DNAI4: variants seen among roughly 807,000 people sequenced by gnomAD.
The protein encoded by DNAI4 is dynein axonemal intermediate chain 4.
DNAI4 carries 85 observed loss-of-function variants against 105.8 expected under a neutral mutation model. That is an observed-to-expected ratio of 0.80 (90% CI 0.67 to 0.96). The LOEUF is 0.96. Ranked by LOEUF, DNAI4 falls within the 40% of genes least tolerant of loss-of-function variation. The probability of loss-of-function intolerance (pLI) is 0.00; values close to 1 mark genes in which losing one functional copy is unlikely to be tolerated. For synonymous variants in DNAI4, 352 were observed against 331.5 expected, an observed-to-expected ratio of 1.06 and a Z score of -0.67; for missense variants, 1,014 against 1,005.6, an observed-to-expected ratio of 1.01 and a Z score of -0.11.
At chr1:66,894,798 A>G (rs1459761256) in intron 2 of DNAI4, among the ~76,000 whole-genome samples, 1 of 152,188 alleles carries the variant, frequency 6.6e-6, no homozygotes, top group Non-Finnish European at 1.5e-5. Context: ...CTAATTTGCT[A>G]ATATTATATG....
intron 16 of DNAI4, among the ~76,000 whole-genome samples, chr1:66,816,299 C>T (rs1045070152): frequency 2.0e-5 from 3 of 151,964 alleles, no homozygotes; most frequent in African/African-American, 4.8e-5. Flanking sequence ...CCTCACGTCC[C>T]GGGGGCAGCC....
At chr1:66,893,803 G>A (rs180932811) in intron 2 of DNAI4, among the ~76,000 whole-genome samples, 3 of 152,090 alleles carry the variant, frequency 2.0e-5, no homozygotes, top group Non-Finnish European at 4.4e-5. Flanking sequence ...TATGCTTTTG[G>A]TTTACAGTTC....
Position 66,893,065 on chromosome 1 carries a change from GAA to G in DNAI4, c.530+162_530+163del, listed in dbSNP as rs1553227648. ...AAAGAAAGAAAGAAAGAGAGAGAGA[GAA>G]AGAAAGAAAGAAAGAAAGAAAGAAA... is the stretch of plus-strand genomic sequence containing the variant. On this transcript the variant is annotated intron_variant, in intron 3 of 16. Coordinates refer to ENST00000371026, the MANE Select transcript of DNAI4 (RefSeq NM_024763.5). 3.9e-3 allele frequency among the ~76,000 whole-genome samples: 333 copies of G among 85,530 alleles called. 4 individuals are homozygous for G. The highest frequency in any genetic ancestry group is 0.018 in the Middle Eastern group (3 of 164). The allele number at this position is 85,530 out of a possible 152,430, so 56.1% of individuals were successfully genotyped here.
chr1:66,915,353 C>A (rs571251835), intron 1 of DNAI4, among the ~76,000 whole-genome samples: 69 of 152,278 alleles, frequency 4.5e-4, no homozygotes, highest in African/African-American at 1.5e-3. Flanking sequence ...CAGGAATGAA[C>A]AAGGACAGCT....
intron 4 of DNAI4, among the ~76,000 whole-genome samples, chr1:66,888,239 G>A (rs570148290): frequency 6.0e-4 from 91 of 152,126 alleles, no homozygotes; most frequent in African/African-American, 2.1e-3. Flanking sequence ...CAATTGACCT[G>A]AATTGAGACA....
At chr1:66,882,926 T>A (rs528474328) in intron 4 of DNAI4, among the ~76,000 whole-genome samples, 2 of 152,236 alleles carry the variant, frequency 1.3e-5, no homozygotes, top group East Asian at 3.9e-4. Context: ...TGCATGCATA[T>A]GAAATTCATT....
chr1:66,840,688 T>C lies in DNAI4; in HGVS notation c.1292-17A>G. The C allele has an allele frequency of 6.2e-7, 1 of 1,613,536 alleles. No homozygotes were observed. Among genetic ancestry groups the C allele is most frequent in the Non-Finnish European group, 8.5e-7 (1 of 1,179,834 alleles). On this transcript the variant is annotated splice_polypyrimidine_tract_variant and intron_variant, in intron 8 of 16. Transcript: ENST00000371026. ...GTTCAGGTTCTAAAGTTTAAACAAA[T>C]AAAAAGATCATTGTCCTCTACATCT...
intron 4 of DNAI4, among the ~76,000 whole-genome samples, chr1:66,880,595 T>A (rs1647049287): frequency 6.6e-6 from 1 of 152,138 alleles, no homozygotes; most frequent in Non-Finnish European, 1.5e-5. Context: ...GCAGAAGAAA[T>A]TTCTAAGCAA....
intron 4 of DNAI4, among the ~76,000 whole-genome samples, chr1:66,876,052 T>C (rs537025968): frequency 6.6e-6 from 1 of 152,182 alleles, no homozygotes; most frequent in Admixed American, 6.5e-5. Context: ...TCTTTAGTTT[T>C]GGGTGATTCT....
chr1:66,833,422 C>G (rs1233844227), intron 13 of DNAI4, among the ~76,000 whole-genome samples, 163 bp downstream of exon 13: 1 of 152,104 alleles, frequency 6.6e-6, no homozygotes, highest in Non-Finnish European at 1.5e-5. Flanking sequence ...ATTCTTCCAC[C>G]TGCATCCCCT....
Position 66,905,336 on chromosome 1 carries a change from A to G in DNAI4, c.210T>C (p.Phe70=). ...TCACTGAAGTTGCTTTCATTGTAGC[A>G]AAAAAGCTAATAGACTTCTTTGGTT... is the stretch of plus-strand genomic sequence containing the variant. ...ATQPKKSISF[F]ATMKATSVKG... is the part of the protein sequence containing the mutation. The change falls in exon 2 of 17, where the codon TTT becomes TTC. Residue 70 remains phenylalanine (F), a synonymous_variant. Coordinates refer to ENST00000371026, the MANE Select transcript of DNAI4 (RefSeq NM_024763.5). 2.6e-6 allele frequency: 4 copies of G among 1,526,118 alleles called. No individual in the cohort carries two copies. Among genetic ancestry groups the G allele is most frequent in the Non-Finnish European group, 3.6e-6 (4 of 1,124,218 alleles). 94.5% of individuals were successfully genotyped at this position (1,526,118 alleles called of 1,614,324 possible).
chr1:66,906,786 A>G (rs1247483633), intron 1 of DNAI4: 3 of 152,004 alleles, frequency 2.0e-5, no homozygotes, highest in African/African-American at 7.3e-5. Context: ...AAAAAAAAAT[A>G]AACTATCATT....
chr1:66,924,559 T>C (rs966466831), intron 1 of DNAI4, 103 bp downstream of exon 1: 1 of 1,508,896 alleles, frequency 6.6e-7, no homozygotes, highest in Middle Eastern at 1.7e-4. Context: ...TGAACCCAGT[T>C]AGGGTAGGGC....
chr1:66,829,305 A>G (rs1645819537), intron 13 of DNAI4, among the ~76,000 whole-genome samples: 1 of 152,222 alleles, frequency 6.6e-6, no homozygotes, highest in Non-Finnish European at 1.5e-5. Flanking sequence ...GTGAGACCCA[A>G]TTATATGCTA....
chr1:66,814,949 C>T (rs1229356530), intron 16 of DNAI4, among the ~76,000 whole-genome samples: 1 of 152,022 alleles, frequency 6.6e-6, no homozygotes, highest in East Asian at 1.9e-4. Flanking sequence ...GGATGAAAAT[C>T]AAAGATGGGA....
intron 7 of DNAI4, among the ~76,000 whole-genome samples, chr1:66,855,139 C>G (rs1438973847): frequency 6.6e-6 from 1 of 152,182 alleles, no homozygotes; most frequent in African/African-American, 2.4e-5. Context: ...CCCTAATTAC[C>G]CAGGGCCAGC....
intron 2 of DNAI4, among the ~76,000 whole-genome samples, chr1:66,903,685 G>T (rs747415607): frequency 3.9e-5 from 6 of 152,062 alleles, no homozygotes; most frequent in African/African-American, 9.7e-5. Flanking sequence ...TAGTAGAGAC[G>T]GGGTTTCACC....
intron 7 of DNAI4, 142 bp from the exon 8 acceptor site, chr1:66,847,820 C>G (rs956880641): frequency 3.0e-6 from 2 of 656,708 alleles, no homozygotes; most frequent in Admixed American, 3.2e-5. Context: ...TATTGAATAT[C>G]TTACGTACCA....
intron 10 of DNAI4, among the ~76,000 whole-genome samples, chr1:66,836,882 G>A (rs1168548350): frequency 6.6e-6 from 1 of 152,082 alleles, no homozygotes; most frequent in Non-Finnish European, 1.5e-5. Flanking sequence ...TAAACTAAAT[G>A]TAAAACTTTA....
Sources: allele counts gnomAD v4.1 joint callset (sites outside exome capture counted in the v4.1 genomes callset), GRCh38; gene constraint gnomAD v4.1.1; transcripts MANE v1.5; gene names NCBI Gene and HGNC (gene_info 2026-07-23, HGNC 2026-07-21).